Variants in KLHL2 observed in about 807,000 individuals in gnomAD.
The protein encoded by KLHL2 is kelch-like protein 2.
In KLHL2, 15 loss-of-function variants were observed where a neutral mutation model predicts 75.8. That is an observed-to-expected ratio of 0.20 (90% CI 0.13 to 0.30). KLHL2 has a LOEUF of 0.30. Ranked by LOEUF, KLHL2 falls within the 10% of genes least tolerant of loss-of-function variation. The pLI, the probability that KLHL2 is intolerant of heterozygous loss-of-function variation, is 1.00. For missense variants in KLHL2, 381 were observed against 741.0 expected (o/e 0.51, Z 5.64); for synonymous variants, 214 against 251.9 (o/e 0.85, Z 1.42).
chr4:165,240,316 G>A (rs1739712323), intron 4 of KLHL2: 1 of 152,232 alleles, frequency 6.6e-6, no homozygotes, highest in Non-Finnish European at 1.5e-5. Flanking sequence ...GTTGAAATAT[G>A]CTACAGAATG....
intron 2 of KLHL2, among the ~76,000 whole-genome samples, chr4:165,225,836 C>T (rs1738391443): frequency 6.6e-6 from 1 of 152,144 alleles, no homozygotes; most frequent in Non-Finnish European, 1.5e-5. Flanking sequence ...TAAACATGTC[C>T]TTAATTTGTA....
intron 3 of KLHL2, among the ~76,000 whole-genome samples, chr4:165,235,602 G>A (rs1458272242): frequency 2.0e-5 from 3 of 152,200 alleles, no homozygotes; most frequent in African/African-American, 7.2e-5. Flanking sequence ...TGTCAGACAT[G>A]TTATACAGAG....
chr4:165,321,893 A>T, intron 14 of KLHL2, 139 bp from the exon 15 acceptor site: 1 of 772,024 alleles, frequency 1.3e-6, no homozygotes, highest in East Asian at 2.5e-5. Context: ...TAATACTACT[A>T]AAGTTTAAGA....
Position 165,277,485 on chromosome 4 carries a change from G to T in KLHL2, c.544+14126G>T, listed in dbSNP as rs1230984130. Among the ~76,000 whole-genome samples, 4 of 152,190 alleles carry T rather than the reference G, an allele frequency of 2.6e-5. No individual in the cohort carries two copies. In the East Asian group the frequency reaches 7.7e-4, roughly 29 times the overall value. On this transcript the variant is annotated intron_variant, in intron 5 of 14. Transcript: ENST00000226725. ...TAAAGGTGTTTCCGTCTTCTACTAT[G>T]TAGAAAAGAAGACTTTTGGGGTATC...
chr4:165,220,725 G>T (rs973262354), intron 2 of KLHL2, among the ~76,000 whole-genome samples: 1 of 152,222 alleles, frequency 6.6e-6, no homozygotes, highest in African/African-American at 2.4e-5. Flanking sequence ...AGTATGGAAA[G>T]AAACTTTTAG....
rs755240661 is a variant in KLHL2 at position 165,322,088 on chromosome 4, T to C, written c.*28T>C. The C allele has an allele frequency of 7.5e-6, 12 of 1,602,254 alleles. No individual in the cohort carries two copies. Among genetic ancestry groups the C allele is most frequent in the Non-Finnish European group, 1.0e-5 (12 of 1,169,372 alleles). On this transcript the variant is annotated 3_prime_UTR_variant, in exon 15 of 15. Coordinates refer to ENST00000226725, the MANE Select transcript of KLHL2 (RefSeq NM_007246.4). ...CTGAAGGACATTTTCAGCATATTTA[T>C]ACATGAGAAACAGCCTTCAACAAGT...
chr4:165,240,670 A>G (rs1739745353), intron 4 of KLHL2, among the ~76,000 whole-genome samples: 1 of 152,218 alleles, frequency 6.6e-6, no homozygotes, highest in African/African-American at 2.4e-5. Flanking sequence ...TGTTTTCAAC[A>G]AGAGTTTATC....
At chr4:165,270,231 T>C (rs1231961690) in intron 5 of KLHL2, among the ~76,000 whole-genome samples, 1 of 152,190 alleles carries the variant, frequency 6.6e-6, no homozygotes, top group East Asian at 1.9e-4. Context: ...TAACCTTTTT[T>C]CAAGGTTTTT....
At chr4:165,321,810 C>T (rs1384278852) in intron 14 of KLHL2, among the ~76,000 whole-genome samples, 1 of 152,106 alleles carries the variant, frequency 6.6e-6, no homozygotes, top group Non-Finnish European at 1.5e-5. Context: ...AAGACTAGTT[C>T]TGGATTAAAT....
chr4:165,264,704 G>GT (rs1323043527), intron 5 of KLHL2, among the ~76,000 whole-genome samples: 1 of 82,846 alleles, frequency 1.2e-5, no homozygotes, highest in Non-Finnish European at 2.2e-5. Context: ...GTGTGTGTGT[G>GT]TATATATATA....
intron 5 of KLHL2, among the ~76,000 whole-genome samples, chr4:165,293,639 G>T (rs1048652202): frequency 2.0e-5 from 3 of 150,774 alleles, no homozygotes; most frequent in Non-Finnish European, 4.4e-5. Context: ...GAGTAACTGG[G>T]ACTACAGGTG....
At chr4:165,217,362 C>T (rs1737620851) in intron 1 of KLHL2, among the ~76,000 whole-genome samples, 1 of 152,144 alleles carries the variant, frequency 6.6e-6, no homozygotes, top group Non-Finnish European at 1.5e-5. Flanking sequence ...AAGTGTTTCT[C>T]CAGTTCTCTC....
intron 4 of KLHL2, among the ~76,000 whole-genome samples, chr4:165,253,393 C>A (rs1008619050): frequency 1.3e-5 from 2 of 152,130 alleles, no homozygotes; most frequent in Admixed American, 1.3e-4. Context: ...AATGTAAATG[C>A]TGTGCAAATA....
chr4:165,243,888 C>G (rs1333548687), intron 4 of KLHL2, among the ~76,000 whole-genome samples: 1 of 152,192 alleles, frequency 6.6e-6, no homozygotes, highest in Non-Finnish European at 1.5e-5. Context: ...AGGGAAATCA[C>G]CAAAACAGAA....
chr4:165,309,360 G>A (rs72701613), intron 9 of KLHL2, among the ~76,000 whole-genome samples: 41 of 152,308 alleles, frequency 2.7e-4, no homozygotes, highest in Non-Finnish European at 4.9e-4. Context: ...GATGGTGATA[G>A]GAGCCTGTCC....
At chr4:165,316,463 G>GT (rs1746595907) in intron 13 of KLHL2, among the ~76,000 whole-genome samples, 2 of 152,222 alleles carry the variant, frequency 1.3e-5, no homozygotes, top group African/African-American at 4.8e-5. Flanking sequence ...AATGGTATGA[G>GT]TTTTTTTCCT....
intron 5 of KLHL2, among the ~76,000 whole-genome samples, chr4:165,264,243 A>T (rs1444748062): frequency 6.6e-6 from 1 of 151,278 alleles, no homozygotes; most frequent in East Asian, 1.9e-4. Flanking sequence ...TAATAGCTTT[A>T]GGAGTACAAG....
intron 1 of KLHL2, among the ~76,000 whole-genome samples, chr4:165,210,551 G>C (rs1351609449): frequency 2.0e-5 from 3 of 152,022 alleles, no homozygotes; most frequent in Non-Finnish European, 4.4e-5. Flanking sequence ...TTTAGATTCT[G>C]TTGCATTCTG....
At chr4:165,244,966 G>A (rs1411327296) in intron 4 of KLHL2, among the ~76,000 whole-genome samples, 1 of 152,136 alleles carries the variant, frequency 6.6e-6, no homozygotes, top group Non-Finnish European at 1.5e-5. Context: ...CACTTTGGGA[G>A]GGATGCCAAG....
Sources: gnomAD v4.1 joint callset for allele counts (sites outside exome capture counted in the v4.1 genomes callset) on GRCh38, gnomAD v4.1.1 for gene constraint, MANE v1.5 for transcripts, NCBI Gene and HGNC (gene_info 2026-07-23, HGNC 2026-07-21) for gene names.